The following OTOGL variants were observed in gnomAD, a reference collection of about 807,000 sequenced individuals.
OTOGL encodes otogelin like.
Under a neutral mutation model 318.5 loss-of-function variants are expected in OTOGL, and 285 were observed. That is an observed-to-expected ratio of 0.89 (90% CI 0.81 to 0.99). OTOGL has a LOEUF of 0.99. Among genes scored for constraint, OTOGL ranks in the 50% least tolerant of loss-of-function variants. OTOGL has a pLI of 0.00. For missense variants in OTOGL, 2,899 were observed against 2,845.6 expected (o/e 1.02, Z -0.43); for synonymous variants, 987 against 936.5 (o/e 1.05, Z -0.99).
rs775545463 is a variant in OTOGL at position 80,358,631 on chromosome 12, C to G, written c.6122-40C>G. 41 of 1,469,912 alleles carry G rather than the reference C, an allele frequency of 2.8e-5. No individual in the cohort carries two copies. The Admixed American group carries it at 6.4e-4, about 23-fold the overall frequency. The allele number at this position is 1,469,912 out of a possible 1,614,324, so 91.1% of individuals were successfully genotyped here. Reference sequence around the variant, plus strand: ...TGGTAGGTAATGAGAAATGGCAACTCTATAAAATTCATCTTTACCCATGTA... The same window carrying G: ...TGGTAGGTAATGAGAAATGGCAACTGTATAAAATTCATCTTTACCCATGTA... On this transcript the variant is annotated intron_variant, in intron 50 of 58. Transcript: ENST00000547103.
chr12:80,328,805 G>A (rs559646897), intron 36 of OTOGL, 61 bp downstream of exon 36: 37 of 1,440,758 alleles, frequency 2.6e-5, no homozygotes, highest in Admixed American at 9.5e-5. Flanking sequence ...TGTTTTTTCC[G>A]AGGCAAGTGG....
chr12:80,379,517 G>A lies in OTOGL; in HGVS notation c.*1469G>A, dbSNP rs899484670. 2.0e-5 allele frequency: 3 copies of A among 151,688 alleles called. No homozygotes were observed. Among genetic ancestry groups the A allele is most frequent in the African/African-American group, 7.3e-5 (3 of 41,348 alleles). The allele number at this position is 151,688 out of a possible 1,614,324, so 9.4% of individuals were successfully genotyped here. A position where few individuals can be genotyped will look rare whatever the true frequency, so the allele number is the denominator to read the frequency against. ...TATATGCAATTGATTTATCCTGTTT[G>A]TGCTTAATATAAGTGTTCCTGAGAT... On this transcript the variant is annotated 3_prime_UTR_variant, in exon 59 of 59. Coordinates refer to ENST00000547103, the MANE Select transcript of OTOGL (RefSeq NM_001378609.3).
At chr12:80,328,558 A>G in intron 35 of OTOGL, 107 bp from the exon 36 acceptor site, 2 of 836,308 alleles carry the variant, frequency 2.4e-6, no homozygotes, top group Non-Finnish European at 3.8e-6. Context: ...GGTATATAGA[A>G]GCATTTTAGG....
At chr12:80,192,725 C>T (rs976550688) in intron 1 of OTOGL, among the ~76,000 whole-genome samples, 2 of 150,006 alleles carry the variant, frequency 1.3e-5, no homozygotes, top group Admixed American at 6.8e-5. Flanking sequence ...TATTTTTGTC[C>T]AATGTCTTCG....
intron 6 of OTOGL, among the ~76,000 whole-genome samples, chr12:80,220,851 G>A (rs1411126031): frequency 6.6e-6 from 1 of 152,090 alleles, no homozygotes; most frequent in Non-Finnish European, 1.5e-5. Context: ...TACAGGTGCT[G>A]TAAAGTACAA....
At chr12:80,363,912 T>TTTTA (rs1247566338) in intron 52 of OTOGL, among the ~76,000 whole-genome samples, 1 of 152,030 alleles carries the variant, frequency 6.6e-6, no homozygotes, top group Non-Finnish European at 1.5e-5. Flanking sequence ...TAGCTCTGTT[T>TTTTA]TTTATTTATT....
intron 26 of OTOGL, among the ~76,000 whole-genome samples, chr12:80,280,920 G>T (rs1464873320): frequency 1.3e-5 from 2 of 151,730 alleles, no homozygotes; most frequent in Non-Finnish European, 2.9e-5. Context: ...TTCCTGGTTA[G>T]CTGTATACCT....
intron 1 of OTOGL, among the ~76,000 whole-genome samples, chr12:80,155,363 GC>G (rs1873047275): frequency 6.6e-6 from 1 of 152,100 alleles, no homozygotes; most frequent in Non-Finnish European, 1.5e-5. Flanking sequence ...CCTATTCAAG[GC>G]TATCTGGGTT....
Position 80,335,971 on chromosome 12 carries a change from A to G in OTOGL, c.4431A>G (p.Lys1477=). 1 of 1,540,306 alleles carries G rather than the reference A, an allele frequency of 6.5e-7. No individual in the cohort carries two copies. Among genetic ancestry groups the G allele is most frequent in the Non-Finnish European group, 8.7e-7 (1 of 1,149,786 alleles). The change falls in exon 39 of 59, where the codon AAA becomes AAG. Residue 1477 remains lysine (K), a synonymous_variant. Transcript: ENST00000547103. ...PTTGLECEPQ[K]FDPVYDCSQY... ...TCTTTTTTTATTAACAGCCTCAGAAATTTGATCCTGTTTATGATTGTAGCC... is the reference window on the plus strand; with the variant it reads ...TCTTTTTTTATTAACAGCCTCAGAAGTTTGATCCTGTTTATGATTGTAGCC...
At chr12:80,140,149 C>T (rs530240707) in intron 1 of OTOGL, among the ~76,000 whole-genome samples, 5 of 152,266 alleles carry the variant, frequency 3.3e-5, no homozygotes, top group East Asian at 1.9e-4. Context: ...GATGACATTT[C>T]GAGTCTACCT....
intron 1 of OTOGL, among the ~76,000 whole-genome samples, chr12:80,114,432 A>G (rs1410009530): frequency 6.6e-6 from 1 of 152,164 alleles, no homozygotes; most frequent in African/African-American, 2.4e-5. Context: ...AGAACGTTGC[A>G]TATTAGCCCC....
chr12:80,336,681 T>C, intron 40 of OTOGL, 116 bp from the exon 41 acceptor site: 1 of 1,415,674 alleles, frequency 7.1e-7, no homozygotes, highest in Non-Finnish European at 9.6e-7. Context: ...TCTGATAATG[T>C]TTCAGAAACA....
intron 9 of OTOGL, among the ~76,000 whole-genome samples, chr12:80,237,506 G>A (rs1340466913): frequency 2.0e-5 from 3 of 152,062 alleles, no homozygotes; most frequent in Non-Finnish European, 2.9e-5. Context: ...AGGAAAGAGT[G>A]GTTTTGAAGG....
Position 80,367,685 on chromosome 12 carries a change from G to A in OTOGL, c.6456G>A (p.Thr2152=), listed in dbSNP as rs2717482. The stretch of plus-strand genomic sequence containing the variant: ...GTCTGGAAGAAAAAGATAACCATAC[G>A]GGCTTTCACACTCTGAATTTTACAC... ...IECLEEKDNH[T]GFHTLNFTLV... Residue 2152 remains threonine, a synonymous_variant, in exon 54 of 59, where the codon ACG becomes ACA. Coordinates refer to ENST00000547103, the MANE Select transcript of OTOGL (RefSeq NM_001378609.3). 1,383,603 of 1,487,130 alleles carry A rather than the reference G, an allele frequency of 0.93. 644,104 individuals carry two copies. The highest frequency in any genetic ancestry group is 1 in the East Asian group (40,366 of 40,374). The allele number at this position is 1,487,130 out of a possible 1,614,324, so 92.1% of individuals were successfully genotyped here.
intron 1 of OTOGL, among the ~76,000 whole-genome samples, chr12:80,179,266 A>G (rs1366095799): frequency 1.3e-5 from 2 of 152,164 alleles, no homozygotes; most frequent in African/African-American, 2.4e-5. Flanking sequence ...CAGCAGACAA[A>G]CATTAGAAAT....
intron 28 of OTOGL, 123 bp downstream of exon 28, chr12:80,302,906 T>A (rs1885861862): frequency 3.2e-6 from 3 of 923,450 alleles, no homozygotes; most frequent in Non-Finnish European, 4.3e-6. Flanking sequence ...CCAGAATTAC[T>A]AACTCATACC....
At chr12:80,356,264 T>C in intron 47 of OTOGL, 152 bp from the exon 48 acceptor site, 1 of 633,386 alleles carries the variant, frequency 1.6e-6, no homozygotes, top group Admixed American at 3.1e-5. Context: ...CTTTGTTAGA[T>C]GAGTGGGTTA....
chr12:80,250,880 A>G (rs1881482911), intron 11 of OTOGL, among the ~76,000 whole-genome samples: 1 of 152,194 alleles, frequency 6.6e-6, no homozygotes, highest in African/African-American at 2.4e-5. Flanking sequence ...TGCCTTGTTA[A>G]TCTGCTTTGG....
intron 36 of OTOGL, 62 bp from the exon 37 acceptor site, chr12:80,328,989 A>G (rs1027897529): frequency 3.5e-5 from 50 of 1,426,950 alleles, no homozygotes; most frequent in Non-Finnish European, 4.5e-5. Flanking sequence ...TCCTCTATGA[A>G]ATATGTGGGT....
Sources: allele counts gnomAD v4.1 joint callset (sites outside exome capture counted in the v4.1 genomes callset), GRCh38; gene constraint gnomAD v4.1.1; transcripts MANE v1.5; gene names NCBI Gene and HGNC (gene_info 2026-07-23, HGNC 2026-07-21).